Variants in CACNA1C observed in about 807,000 individuals in gnomAD.
CACNA1C encodes voltage-dependent L-type calcium channel subunit alpha-1C.
A neutral mutation model predicts 229.0 loss-of-function variants in CACNA1C; 30 were observed. The ratio of observed to expected loss-of-function variants is 0.13; its 90% confidence interval spans 0.10 to 0.18. CACNA1C has a LOEUF of 0.18. Ranked by LOEUF, CACNA1C falls within the 10% of genes least tolerant of loss-of-function variation. CACNA1C has a pLI of 1.00. For missense variants in CACNA1C, 1,658 were observed against 2,845.0 expected (o/e 0.58, Z 9.49); for synonymous variants, 1,114 against 1,132.5 (o/e 0.98, Z 0.33).
rs191310760 is a variant in CACNA1C at position 2,190,573 on chromosome 12, G to T, written c.477+70143G>T. ...GTGCATTCTAGGTGCAAAGGACGTA[G>T]AAATGAGTATAATACAGTTCCTTTC... On this transcript the variant is annotated intron_variant, in intron 3 of 46. Transcript: ENST00000399655. Among the ~76,000 whole-genome samples, 404 of 152,318 alleles carry T rather than the reference G, an allele frequency of 2.7e-3. 2 individuals carry two copies. Among genetic ancestry groups the T allele is most frequent in the Non-Finnish European group, 3.4e-3 (234 of 68,036 alleles).
Position 2,654,971 on chromosome 12 carries a change from C to T in CACNA1C, c.4141-176C>T, listed in dbSNP as rs982954339. Among the ~76,000 whole-genome samples the T allele has an allele frequency of 1.3e-5, 2 of 152,060 alleles. No individual in the cohort carries two copies. The highest frequency in any genetic ancestry group is 4.8e-5 in the African/African-American group (2 of 41,414). ...TGCTTGTCCAGTGTAGGGATTTGGG[C>T]TCAGGGGCTGGGTGGGGCAGCAGGT... On this transcript the variant is annotated intron_variant, in intron 33 of 46. Coordinates refer to ENST00000399655, the MANE Select transcript of CACNA1C (RefSeq NM_000719.7). The surrounding 1 kb of genome is among the most constrained non-coding windows in gnomAD (Gnocchi z 4.4).
chr12:2,364,607 C>T (rs948785948), intron 3 of CACNA1C, among the ~76,000 whole-genome samples: 20 of 152,334 alleles, frequency 1.3e-4, no homozygotes, highest in Admixed American at 9.1e-4. Flanking sequence ...CGTTTAAATA[C>T]ACTCTTGCCA....
chr12:2,657,785 C>T (rs981169505), intron 34 of CACNA1C, among the ~76,000 whole-genome samples: 3 of 152,012 alleles, frequency 2.0e-5, no homozygotes, highest in African/African-American at 4.8e-5. Flanking sequence ...GATGGAAAAA[C>T]GAATACCATG....
chr12:1,982,884 T>C (rs2036556576), intron 1 of CACNA1C, among the ~76,000 whole-genome samples: 1 of 152,140 alleles, frequency 6.6e-6, no homozygotes, highest in Non-Finnish European at 1.5e-5. Flanking sequence ...GAACATTTGG[T>C]AGAATTCACC....
At chr12:2,208,806 C>T (rs1450321567) in intron 3 of CACNA1C, among the ~76,000 whole-genome samples, 2 of 152,208 alleles carry the variant, frequency 1.3e-5, no homozygotes, top group Non-Finnish European at 2.9e-5. Context: ...TACCCAATAA[C>T]AACAGTCCTG....
At chr12:2,314,867 C>T (rs1163998345) in intron 3 of CACNA1C, among the ~76,000 whole-genome samples, 1 of 151,894 alleles carries the variant, frequency 6.6e-6, no homozygotes, top group Admixed American at 6.6e-5. Flanking sequence ...AGGGTGTGTG[C>T]CTATGTTTAG....
intron 3 of CACNA1C, among the ~76,000 whole-genome samples, chr12:2,222,571 A>T (rs769956079): frequency 6.6e-6 from 1 of 152,212 alleles, no homozygotes; most frequent in Non-Finnish European, 1.5e-5. Flanking sequence ...CAAGTCTTTG[A>T]CATGGACGTG....
chr12:2,610,756 T>C, intron 28 of CACNA1C, 57 bp downstream of exon 28: 1 of 1,587,338 alleles, frequency 6.3e-7, no homozygotes, highest in Non-Finnish European at 8.6e-7. Flanking sequence ...GCCATGGGGA[T>C]GGAAAGTGTA....
intron 13 of CACNA1C, among the ~76,000 whole-genome samples, chr12:2,569,014 C>G (rs568213886): frequency 2.6e-5 from 4 of 152,324 alleles, no homozygotes; most frequent in African/African-American, 9.6e-5. Context: ...ATGCAGTATT[C>G]TAGCAGGACA....
intron 3 of CACNA1C, among the ~76,000 whole-genome samples, chr12:2,206,130 T>G (rs2097753788): frequency 6.6e-6 from 1 of 152,096 alleles, no homozygotes; most frequent in Non-Finnish European, 1.5e-5. Context: ...TGGACAGACC[T>G]GGGATGGCTC....
At chr12:2,162,515 G>A (rs935739972) in intron 3 of CACNA1C, among the ~76,000 whole-genome samples, 1 of 152,056 alleles carries the variant, frequency 6.6e-6, no homozygotes, top group Non-Finnish European at 1.5e-5. Flanking sequence ...GGAGGAGGCC[G>A]TGTCTTTGAG....
chr12:2,046,132 G>C (rs4765659), intron 1 of CACNA1C, among the ~76,000 whole-genome samples: 19,309 of 152,132 alleles, frequency 0.13, 1,966 homozygotes, highest in East Asian at 0.54. Context: ...AAAACTGTGA[G>C]AGAATAAATT....
intron 1 of CACNA1C, chr12:1,991,639 G>A (rs1457673163): frequency 7.1e-5 from 13 of 184,014 alleles, no homozygotes; most frequent in Non-Finnish European, 1.2e-4. Context: ...GGTACTAAAC[G>A]GCCACAGTAG....
Position 2,679,485 on chromosome 12 carries a change from A to G in CACNA1C, c.5133A>G (p.Gln1711=). The part of the protein sequence containing the change: ...GLFGNHVSYY[Q]SDGRSAFPQT... Reference sequence around the variant, plus strand: ...TCGGCAACCACGTCAGCTACTACCAAAGCGACGGCCGGAGCGCCTTCCCCC... The same window carrying G: ...TCGGCAACCACGTCAGCTACTACCAGAGCGACGGCCGGAGCGCCTTCCCCC... Residue 1711 remains glutamine, a synonymous_variant, in exon 42 of 47, where the codon CAA becomes CAG. Transcript: ENST00000399655. The surrounding 1 kb of genome is among the most constrained non-coding windows in gnomAD (Gnocchi z 5.5). The G allele has an allele frequency of 6.2e-7, 1 of 1,602,568 alleles. No individual in the cohort carries two copies.
At chr12:2,627,628 GCT>G (rs1293076643) in intron 29 of CACNA1C, among the ~76,000 whole-genome samples, 3 of 152,106 alleles carry the variant, frequency 2.0e-5, no homozygotes, top group Non-Finnish European at 4.4e-5. Flanking sequence ...CAGGACCTCT[GCT>G]CTCTTGCAGG....
rs368281828 is a variant in CACNA1C, at chr12:2,067,201, A to G, written c.49+13590A>G. On this transcript the variant is annotated intron_variant, in intron 1 of 46. Coordinates refer to ENST00000399655, the MANE Select transcript of CACNA1C (RefSeq NM_000719.7). This position sits in a 1 kb window ranked among gnomAD's most constrained non-coding sequence, Gnocchi z 5.3. ...CTGGTGTGGGAGAATCAAGGTGGCC[A>G]GTGGGATGCAGGAGCCAGGATGCAT... is the stretch of plus-strand genomic sequence containing the variant. Among the ~76,000 whole-genome samples, 2 of 152,128 alleles carry G rather than the reference A, an allele frequency of 1.3e-5. No homozygotes were observed. The highest frequency in any genetic ancestry group is 3.9e-4 in the East Asian group (2 of 5,182).
intron 3 of CACNA1C, among the ~76,000 whole-genome samples, chr12:2,274,534 G>T (rs555869652): frequency 2.0e-5 from 3 of 152,208 alleles, no homozygotes; most frequent in Non-Finnish European, 4.4e-5. Flanking sequence ...GTGACGGTGA[G>T]CACAGCAGCC....
intron 7 of CACNA1C, among the ~76,000 whole-genome samples, chr12:2,498,108 G>A (rs1481016213): frequency 6.6e-6 from 1 of 152,014 alleles, no homozygotes; most frequent in African/African-American, 2.4e-5. Context: ...CCCTATTTTT[G>A]TCTACTCCAT....
rs979415887 is a variant in CACNA1C at position 2,465,370 on chromosome 12, G to A, written c.757+7664G>A. ...GGATTCAAGGGGAGAGTTTACCAGGGACTGTGGCAGTCTGAAAAGTTTTAT... is the reference window on the plus strand; with the variant it reads ...GGATTCAAGGGGAGAGTTTACCAGGAACTGTGGCAGTCTGAAAAGTTTTAT... On this transcript the variant is annotated intron_variant, in intron 5 of 46. Transcript: ENST00000399655. 2.6e-5 allele frequency among the ~76,000 whole-genome samples: 4 copies of A among 152,166 alleles called. No individual in the cohort carries two copies. In the South Asian group the frequency reaches 8.3e-4, roughly 32 times the overall value.
Sources: gnomAD v4.1 joint callset for allele counts (sites outside exome capture counted in the v4.1 genomes callset) on GRCh38, gnomAD v4.1.1 for gene constraint, Gnocchi (gnomAD v3.1) non-coding constraint, MANE v1.5 for transcripts, NCBI Gene and HGNC (gene_info 2026-07-23, HGNC 2026-07-21) for gene names.